The following CD38 variants were observed in gnomAD, a reference collection of about 807,000 sequenced individuals.
The protein encoded by CD38 is CD38 molecule.
A neutral mutation model predicts 36.3 loss-of-function variants in CD38; 31 were observed. That is an observed-to-expected ratio of 0.85 (90% CI 0.64 to 1.15). CD38 has a LOEUF of 1.15. Ranked by LOEUF, CD38 falls within the 50% of genes most tolerant of loss-of-function variation. The pLI is 0.00. For synonymous variants in CD38, 131 were observed against 135.2 expected (o/e 0.97, Z 0.22); for missense variants, 380 against 371.9 (o/e 1.02, Z -0.18).
At chr4:15,795,746 T>A (rs570745849) in intron 1 of CD38, among the ~76,000 whole-genome samples, 1 of 152,158 alleles carries the variant, frequency 6.6e-6, no homozygotes, top group Non-Finnish European at 1.5e-5. Context: ...CTCAGTTGTC[T>A]ACTCCCTGCT....
At chr4:15,835,527 G>T (rs1229909192) in intron 4 of CD38, among the ~76,000 whole-genome samples, 1 of 151,790 alleles carries the variant, frequency 6.6e-6, no homozygotes, top group African/African-American at 2.4e-5. Context: ...GCAGGTGTGG[G>T]CCACTATGCC....
At chr4:15,802,075 A>C (rs564104039) in intron 1 of CD38, among the ~76,000 whole-genome samples, 97 of 152,188 alleles carry the variant, frequency 6.4e-4, no homozygotes, top group Non-Finnish European at 1.1e-3. Flanking sequence ...AACTCTTAGA[A>C]TTGATATACA....
intron 2 of CD38, among the ~76,000 whole-genome samples, chr4:15,824,193 A>G (rs1305021903): frequency 3.3e-5 from 5 of 152,166 alleles, no homozygotes; most frequent in Non-Finnish European, 4.4e-5. Context: ...TAGCTAATGC[A>G]TACTTGGCTT....
chr4:15,813,231 TATGTATA>T (rs1374989740), intron 1 of CD38, among the ~76,000 whole-genome samples: 1 of 152,218 alleles, frequency 6.6e-6, no homozygotes, highest in Non-Finnish European at 1.5e-5. Flanking sequence ...CTTTTGCCAT[TATGTATA>T]ATGTTAGCTG....
intron 5 of CD38, among the ~76,000 whole-genome samples, chr4:15,839,172 A>G (rs528801614): frequency 1.3e-5 from 2 of 152,172 alleles, no homozygotes; most frequent in East Asian, 1.9e-4. Context: ...TCTGATCCCA[A>G]TTTTTTTGGG....
intron 5 of CD38, among the ~76,000 whole-genome samples, chr4:15,839,356 T>A (rs1354076159): frequency 6.7e-6 from 1 of 150,204 alleles, no homozygotes; most frequent in Non-Finnish European, 1.5e-5. Flanking sequence ...GTGAATCACG[T>A]GGGGATTGTT....
chr4:15,833,318 T>C (rs1723994781), intron 3 of CD38, among the ~76,000 whole-genome samples: 1 of 152,218 alleles, frequency 6.6e-6, no homozygotes, highest in African/African-American at 2.4e-5. Context: ...CCAAGGGCTC[T>C]TCAGTTAGTA....
intron 3 of CD38, among the ~76,000 whole-genome samples, chr4:15,829,539 A>G (rs1392662242): frequency 6.6e-6 from 1 of 152,200 alleles, no homozygotes; most frequent in Admixed American, 6.5e-5. Context: ...AAGAAAGTTT[A>G]TGAATTGAAC....
At chr4:15,817,230 G>A (rs1204590478) in intron 2 of CD38, among the ~76,000 whole-genome samples, 1 of 152,160 alleles carries the variant, frequency 6.6e-6, no homozygotes, top group African/African-American at 2.4e-5. Flanking sequence ...AAATGTAAAT[G>A]GTATGAGACC....
At chr4:15,810,413 A>T (rs1723443277) in intron 1 of CD38, among the ~76,000 whole-genome samples, 1 of 152,192 alleles carries the variant, frequency 6.6e-6, no homozygotes, top group African/African-American at 2.4e-5. Context: ...CTTTGTCTGC[A>T]AAGATGCTGC....
chr4:15,840,407 T>G (rs147526579), intron 6 of CD38, 45 bp from the exon 7 acceptor site: 6 of 1,294,196 alleles, frequency 4.6e-6, no homozygotes, highest in Non-Finnish European at 6.6e-6. Flanking sequence ...TCCAAAAATG[T>G]TTGTGAGATC....
intron 1 of CD38, among the ~76,000 whole-genome samples, chr4:15,815,132 A>G (rs966003256): frequency 2.6e-5 from 4 of 151,932 alleles, no homozygotes; most frequent in Admixed American, 6.6e-5. Context: ...TCATTGGTCT[A>G]TATATCTGTT....
Position 15,778,364 on chromosome 4 carries a change from C to T in CD38, c.-51C>T, listed in dbSNP as rs1409120267. On this transcript the variant is annotated 5_prime_UTR_variant, in exon 1 of 8. Transcript: ENST00000226279. The surrounding 1 kb of genome is among the most constrained non-coding windows in gnomAD (Gnocchi z 4.9). ...ACCCAGCCAGCCTCTCTCTTGCTGC[C>T]TAGCCTCCTGCCGGCCTCATCTTCG... 2 of 1,260,112 alleles carry T rather than the reference C, an allele frequency of 1.6e-6. No homozygotes were observed. Among genetic ancestry groups the T allele is most frequent in the Admixed American group, 3.4e-5 (2 of 58,664 alleles). The allele number at this position is 1,260,112 out of a possible 1,614,324, so 78.1% of individuals were successfully genotyped here. A position where few individuals can be genotyped will look rare whatever the true frequency, so the allele number is the denominator to read the frequency against.
intron 3 of CD38, among the ~76,000 whole-genome samples, chr4:15,830,904 C>T (rs1210389647): frequency 6.6e-6 from 1 of 152,090 alleles, no homozygotes; most frequent in Non-Finnish European, 1.5e-5. Flanking sequence ...GGACTTACTC[C>T]TGCCATTTTG....
intron 1 of CD38, among the ~76,000 whole-genome samples, chr4:15,787,202 G>A (rs36125685): frequency 0.12 from 18,045 of 152,304 alleles, 1,318 homozygotes; most frequent in Middle Eastern, 0.18. Flanking sequence ...CAGAGTGGGC[G>A]CGCAGAGGCC....
rs557393664 is a variant in CD38 at position 15,827,104 on chromosome 4, A to G, written c.499+2088A>G. On this transcript the variant is annotated intron_variant, in intron 3 of 7. Transcript: ENST00000226279. ...CACTCATTTAATCCTCCACAGCCCC[A>G]TGAGGTCATATGGTGATCCCATTTT... Among the ~76,000 whole-genome samples, 126 of 152,278 alleles carry G rather than the reference A, an allele frequency of 8.3e-4. 1 individual carries two copies. The highest frequency in any genetic ancestry group is 1.6e-3 in the Non-Finnish European group (108 of 68,024).
intron 3 of CD38, among the ~76,000 whole-genome samples, chr4:15,828,914 T>C (rs975682628): frequency 6.6e-6 from 1 of 152,208 alleles, no homozygotes; most frequent in Non-Finnish European, 1.5e-5. Context: ...CCATAATGGG[T>C]ATACTAATTT....
intron 1 of CD38, among the ~76,000 whole-genome samples, chr4:15,799,105 A>G (rs1455199343): frequency 6.6e-6 from 1 of 152,228 alleles, no homozygotes. Flanking sequence ...GTGAGATCAC[A>G]AAAGGGTTAT....
At chr4:15,833,891 C>T (rs1367673257) in intron 3 of CD38, among the ~76,000 whole-genome samples, 1 of 152,188 alleles carries the variant, frequency 6.6e-6, no homozygotes, top group African/African-American at 2.4e-5. Flanking sequence ...CACTGAAGGA[C>T]TGGTTTTACC....
Sources: gnomAD v4.1 joint callset for allele counts (sites outside exome capture counted in the v4.1 genomes callset) on GRCh38, gnomAD v4.1.1 for gene constraint, Gnocchi (gnomAD v3.1) non-coding constraint, MANE v1.5 for transcripts, NCBI Gene and HGNC (gene_info 2026-07-23, HGNC 2026-07-21) for gene names.